ATP10B: variants seen among roughly 807,000 people sequenced by gnomAD.
ATP10B encodes the protein ATPase phospholipid transporting 10B (putative), also known as phospholipid-transporting ATPase VB.
ATP10B carries 122 observed loss-of-function variants against 141.2 expected under a neutral mutation model. The ratio of observed to expected loss-of-function variants is 0.86; its 90% confidence interval spans 0.75 to 1.00. The LOEUF is 1.00. Among genes scored for constraint, ATP10B ranks in the 50% least tolerant of loss-of-function variants. The pLI is 0.00. For synonymous variants in ATP10B, 685 were observed against 692.0 expected, an observed-to-expected ratio of 0.99 and a Z score of 0.16; for missense variants, 1,876 against 1,825.3, an observed-to-expected ratio of 1.03 and a Z score of -0.51.
At chr5:160,862,583 T>G in the ATP10B span, among the ~76,000 whole-genome samples, 2 of 151,972 alleles carry the variant, frequency 1.3e-5, no homozygotes, top group African/African-American at 4.8e-5. Flanking sequence ...TATAAAGCCT[T>G]TCATGTCACT....
chr5:160,691,469 C>T (rs1764073338), intron 3 of ATP10B, among the ~76,000 whole-genome samples: 1 of 151,988 alleles, frequency 6.6e-6, no homozygotes, highest in Admixed American at 6.6e-5. Flanking sequence ...TTCTTAAAGA[C>T]CCAGAAGGAT....
chr5:160,797,583 T>C (rs1772038899), intron 1 of ATP10B, among the ~76,000 whole-genome samples: 1 of 152,244 alleles, frequency 6.6e-6, no homozygotes, highest in African/African-American at 2.4e-5. Flanking sequence ...TGGCCTTTCA[T>C]ATAACAGATA....
chr5:160,795,571 AT>A (rs11399408), intron 1 of ATP10B, among the ~76,000 whole-genome samples: 3 of 148,680 alleles, frequency 2.0e-5, no homozygotes, highest in African/African-American at 4.9e-5. Context: ...GAACCTATGA[AT>A]TTTTTTTTTT....
intron 1 of ATP10B, among the ~76,000 whole-genome samples, chr5:160,799,228 C>A (rs1772184006): frequency 6.6e-6 from 1 of 152,132 alleles, no homozygotes; most frequent in South Asian, 2.1e-4. Flanking sequence ...ATGTCTGTGC[C>A]ATTTGCAGTG....
At chr5:160,638,387 G>A (rs575374998) in intron 10 of ATP10B, among the ~76,000 whole-genome samples, 6 of 152,078 alleles carry the variant, frequency 3.9e-5, no homozygotes, top group Admixed American at 1.3e-4. Context: ...TCTTTTTCAC[G>A]CTGATATGCC....
At chr5:160,743,138 T>C (rs1432787) in intron 2 of ATP10B, among the ~76,000 whole-genome samples, 26,014 of 152,170 alleles carry the variant, frequency 0.17, 2,426 homozygotes, top group Admixed American at 0.29. Context: ...TGCCCCATTT[T>C]GTAAGTAATA....
At chr5:160,762,681 C>T (rs1375088635) in intron 2 of ATP10B, among the ~76,000 whole-genome samples, 1 of 151,504 alleles carries the variant, frequency 6.6e-6, no homozygotes, top group Non-Finnish European at 1.5e-5. Flanking sequence ...ATTCAGACAA[C>T]AACTAGCATA....
the ATP10B span, among the ~76,000 whole-genome samples, chr5:160,921,039 G>C: frequency 6.6e-6 from 1 of 152,038 alleles, no homozygotes; most frequent in Non-Finnish European, 1.5e-5. Flanking sequence ...AGTGAACAAA[G>C]ACACGACACC....
chr5:160,888,151 T>G, the ATP10B span, among the ~76,000 whole-genome samples: 3 of 152,356 alleles, frequency 2.0e-5, no homozygotes, highest in Admixed American at 6.5e-5. Flanking sequence ...GACTGGCCTC[T>G]GTACAAGAAG....
At chr5:160,758,423 A>C (rs1471031795) in intron 2 of ATP10B, among the ~76,000 whole-genome samples, 1 of 152,184 alleles carries the variant, frequency 6.6e-6, no homozygotes, top group African/African-American at 2.4e-5. Context: ...AGGCCGAAAC[A>C]TGCACTTCAG....
chr5:160,807,316 A>AT (rs1554119048), intron 1 of ATP10B, among the ~76,000 whole-genome samples: 21 of 151,942 alleles, frequency 1.4e-4, no homozygotes, highest in Non-Finnish European at 2.1e-4. Context: ...ACTGTAAACC[A>AT]TTTTTTTTGG....
intron 1 of ATP10B, among the ~76,000 whole-genome samples, chr5:160,800,383 T>C (rs1172926850): frequency 6.6e-6 from 1 of 152,224 alleles, no homozygotes; most frequent in African/African-American, 2.4e-5. Flanking sequence ...ACAAGAATCA[T>C]AATGATAATA....
chr5:160,865,123 C>A, the ATP10B span, among the ~76,000 whole-genome samples: 1 of 152,054 alleles, frequency 6.6e-6, no homozygotes, highest in East Asian at 1.9e-4. Context: ...CAAAGCACTA[C>A]TAGGCAAAAA....
intron 12 of ATP10B, chr5:160,632,642 T>C (rs1017181400): frequency 4.7e-6 from 1 of 214,006 alleles, no homozygotes; most frequent in Non-Finnish European, 8.2e-6. Context: ...TTTTTTTTTT[T>C]AGGTTTCTAA....
At chr5:160,567,353 A>G (rs913165045) in intron 25 of ATP10B, among the ~76,000 whole-genome samples, 2 of 152,220 alleles carry the variant, frequency 1.3e-5, no homozygotes, top group Non-Finnish European at 2.9e-5. Flanking sequence ...AAGTGCTGAC[A>G]GTTCCACCGG....
intron 25 of ATP10B, among the ~76,000 whole-genome samples, chr5:160,566,673 T>C (rs1010317585): frequency 6.6e-6 from 1 of 152,120 alleles, no homozygotes; most frequent in Admixed American, 6.5e-5. Flanking sequence ...CTGTTCAAAG[T>C]GTAGGCAAGG....
chr5:160,781,330 A>G (rs1162453695), intron 2 of ATP10B, among the ~76,000 whole-genome samples: 1 of 152,146 alleles, frequency 6.6e-6, no homozygotes, highest in Non-Finnish European at 1.5e-5. Context: ...CCAAATAGCA[A>G]TCGCCCTTTT....
intron 6 of ATP10B, among the ~76,000 whole-genome samples, chr5:160,681,857 T>G (rs572607588): frequency 6.6e-6 from 1 of 152,322 alleles, no homozygotes; most frequent in East Asian, 1.9e-4. Context: ...GCTGCCCTAA[T>G]AAAGCTCAGA....
chr5:160,864,082 A>C, the ATP10B span, among the ~76,000 whole-genome samples: 1 of 152,036 alleles, frequency 6.6e-6, no homozygotes, highest in Non-Finnish European at 1.5e-5. Flanking sequence ...TCCCTAAGTT[A>C]TTCTATAAAA....
Sources: gnomAD v4.1 joint callset for allele counts (sites outside exome capture counted in the v4.1 genomes callset) on GRCh38, gnomAD v4.1.1 for gene constraint, MANE v1.5 for transcripts, NCBI Gene and HGNC (gene_info 2026-07-23, HGNC 2026-07-21) for gene names.